CRCP: variants seen among roughly 807,000 people sequenced by gnomAD.
CRCP encodes the protein CGRP receptor component.
Under a neutral mutation model 18.5 loss-of-function variants are expected in CRCP, and 18 were observed. That is an observed-to-expected ratio of 0.97 (90% confidence interval 0.67 to 1.44). CRCP has a LOEUF of 1.44. CRCP is among the 40% of genes most tolerant of loss of function. The pLI is 0.00. For missense variants in CRCP, 130 were observed against 176.4 expected (o/e 0.74, Z 1.49); for synonymous variants, 53 against 62.9 (o/e 0.84, Z 0.75).
intron 5 of CRCP, among the ~76,000 whole-genome samples, chr7:66,146,446 T>TA (rs34812276): frequency 0.11 from 15,839 of 144,822 alleles, 976 homozygotes; most frequent in South Asian, 0.2. Flanking sequence ...ATTGCCAGTT[T>TA]AAAAAAAAAA....
intron 1 of CRCP, among the ~76,000 whole-genome samples, chr7:66,115,992 G>T (rs1317767539): frequency 6.6e-6 from 1 of 151,926 alleles, no homozygotes; most frequent in Non-Finnish European, 1.5e-5. Context: ...GTAGATGCAG[G>T]GTCTCACTAC....
chr7:66,140,029 AG>A (rs1171536032), intron 4 of CRCP, among the ~76,000 whole-genome samples: 4 of 152,238 alleles, frequency 2.6e-5, no homozygotes, highest in African/African-American at 9.6e-5. Flanking sequence ...AAAAGGGAAA[AG>A]GGAAAAATGA....
At chr7:66,138,178 A>G (rs1018865495) in intron 4 of CRCP, among the ~76,000 whole-genome samples, 1 of 152,118 alleles carries the variant, frequency 6.6e-6, no homozygotes, top group Non-Finnish European at 1.5e-5. Flanking sequence ...GGGTTGATTG[A>G]TCTTTTCCTT....
Position 66,138,968 on chromosome 7 carries a change from A to G in CRCP, c.239+4594A>G, listed in dbSNP as rs1263936339. ...TGTGAAGTTCTCAGCTATTTTTGAA[A>G]TATTTTTTCTATCCCAATCTCTTTC... On this transcript the variant is annotated intron_variant, in intron 4 of 5. Coordinates refer to ENST00000395326, the MANE Select transcript of CRCP (RefSeq NM_014478.5). 2.6e-5 allele frequency among the ~76,000 whole-genome samples: 4 copies of G among 151,976 alleles called. No individual in the cohort carries two copies. The East Asian group carries it at 7.7e-4, about 29-fold the overall frequency.
intron 5 of CRCP, among the ~76,000 whole-genome samples, chr7:66,147,638 C>G (rs1410384744): frequency 6.6e-6 from 1 of 152,198 alleles, no homozygotes; most frequent in Non-Finnish European, 1.5e-5. Flanking sequence ...TTGGTAGAAA[C>G]TGCTGTTTCT....
intron 5 of CRCP, among the ~76,000 whole-genome samples, chr7:66,146,468 A>G (rs1280418499): frequency 1.3e-5 from 2 of 152,100 alleles, no homozygotes; most frequent in African/African-American, 2.4e-5. Context: ...AGAAGAAGAA[A>G]CTTTAGAGAA....
At chr7:66,123,055 C>T (rs1024536512) in intron 1 of CRCP, among the ~76,000 whole-genome samples, 3 of 151,252 alleles carry the variant, frequency 2.0e-5, no homozygotes, top group African/African-American at 4.9e-5. Context: ...CCCGGGTTCA[C>T]GCCATTCTCC....
At chr7:66,132,307 T>C (rs1787831490) in intron 3 of CRCP, among the ~76,000 whole-genome samples, 1 of 152,254 alleles carries the variant, frequency 6.6e-6, no homozygotes, top group South Asian at 2.1e-4. Context: ...CATGTCCCCA[T>C]AATGTCATTC....
intron 1 of CRCP, among the ~76,000 whole-genome samples, chr7:66,117,451 A>T (rs187337725): frequency 6.6e-6 from 1 of 152,172 alleles, no homozygotes; most frequent in East Asian, 1.9e-4. Flanking sequence ...TCTTCTCATC[A>T]TCTATCCAAT....
Position 66,134,309 on chromosome 7 carries a change from C to CAG in CRCP, c.175_176dup (p.His60GlyfsTer15). The CAG allele has an allele frequency of 6.2e-7, 1 of 1,606,416 alleles. No homozygotes were observed. The highest frequency in any genetic ancestry group is 8.5e-7 in the Non-Finnish European group (1 of 1,177,848). On this transcript the variant is annotated frameshift_variant, in exon 4 of 6. Transcript: ENST00000395326. LOFTEE classifies it high-confidence loss of function. ...TAAAATACATATCAAAAACACCATGCAGGCACCAGAGTCCTGAAATTGTCA... is the reference window on the plus strand; with the variant it reads ...TAAAATACATATCAAAAACACCATGCAGAGGCACCAGAGTCCTGAAATTGTCA...
chr7:66,149,105 T>G (rs1788381891), intron 5 of CRCP, among the ~76,000 whole-genome samples: 1 of 152,228 alleles, frequency 6.6e-6, no homozygotes. Flanking sequence ...CTGTTGATAC[T>G]TTGGATTTTT....
Position 66,134,325 on chromosome 7 carries a change from G to C in CRCP, c.190G>C (p.Glu64Gln). 1 of 1,607,318 alleles carries C rather than the reference G, an allele frequency of 6.2e-7. No individual in the cohort carries two copies. The highest frequency in any genetic ancestry group is 8.5e-7 in the Non-Finnish European group (1 of 1,177,710). ...SKTPCRHQSP[E>Q]IVREFLTALK... is the part of the protein sequence containing the mutation. Reference sequence around the variant, plus strand: ...AACACCATGCAGGCACCAGAGTCCTGAAATTGTCAGAGAATTTCTCACAGC... The same window carrying C: ...AACACCATGCAGGCACCAGAGTCCTCAAATTGTCAGAGAATTTCTCACAGC... The change falls in exon 4 of 6, where the codon GAA (glutamate) becomes CAA (glutamine). Residue 64 changes from glutamate (E) to glutamine (Q), a missense_variant. Coordinates refer to ENST00000395326, the MANE Select transcript of CRCP (RefSeq NM_014478.5).
chr7:66,142,618 G>A lies in CRCP; in HGVS notation c.240-2825G>A, dbSNP rs546822956. On this transcript the variant is annotated intron_variant, in intron 4 of 5. Coordinates refer to ENST00000395326, the MANE Select transcript of CRCP (RefSeq NM_014478.5). The stretch of plus-strand genomic sequence containing the variant: ...AAGCAATCCTGCCTCAGCCTCCTGA[G>A]TGGCTAGGACTACAGGTGTATGCCA... 2.0e-5 allele frequency among the ~76,000 whole-genome samples: 3 copies of A among 152,332 alleles called. No individual in the cohort carries two copies. The East Asian group carries it at 5.8e-4, about 29-fold the overall frequency.
chr7:66,128,008 A>C (rs1189911188), intron 2 of CRCP, among the ~76,000 whole-genome samples: 1 of 151,690 alleles, frequency 6.6e-6, no homozygotes, highest in Non-Finnish European at 1.5e-5. Context: ...GCTACTTCGG[A>C]TCCCAGCTGA....
intron 1 of CRCP, among the ~76,000 whole-genome samples, chr7:66,117,312 G>A (rs566565645): frequency 8.6e-4 from 131 of 152,090 alleles, no homozygotes; most frequent in African/African-American, 3.0e-3. Context: ...CCTGGGTCCC[G>A]TTCCTCTCTT....
In CRCP at chr7:66,145,431, T is replaced by G; in HGVS notation, c.240-12T>G. 2.5e-6 allele frequency: 4 copies of G among 1,613,540 alleles called. No individual in the cohort carries two copies. The highest frequency in any genetic ancestry group is 3.4e-6 in the Non-Finnish European group (4 of 1,179,672). ...CTATGCGAGTTGTCAACGCTGTACT[T>G]TCCCTCCACAGAGCTGAGAAGCTCC... On this transcript the variant is annotated splice_polypyrimidine_tract_variant and intron_variant, in intron 4 of 5. Coordinates refer to ENST00000395326, the MANE Select transcript of CRCP (RefSeq NM_014478.5).
rs934866255 is a variant in CRCP, at chr7:66,151,437, C to T, written c.298-771C>T. Among the ~76,000 whole-genome samples the T allele has an allele frequency of 4.6e-5, 7 of 152,166 alleles. No individual in the cohort carries two copies. The South Asian group carries it at 1.5e-3, about 32-fold the overall frequency. On this transcript the variant is annotated intron_variant, in intron 5 of 5. Coordinates refer to ENST00000395326, the MANE Select transcript of CRCP (RefSeq NM_014478.5). Reference sequence around the variant, plus strand: ...ACGAACAGTTAACTGTCTGTGGTGGCTCGTGCCTGTAGTCCCAGCTATTCG... The same window carrying T: ...ACGAACAGTTAACTGTCTGTGGTGGTTCGTGCCTGTAGTCCCAGCTATTCG...
intron 1 of CRCP, among the ~76,000 whole-genome samples, chr7:66,120,207 G>GA (rs912605060): frequency 4.0e-5 from 6 of 151,098 alleles, no homozygotes; most frequent in Admixed American, 2.6e-4. Flanking sequence ...AAAAGAAAAA[G>GA]AAAAAAAAAT....
At chr7:66,119,346 G>A (rs1787364559) in intron 1 of CRCP, among the ~76,000 whole-genome samples, 2 of 152,184 alleles carry the variant, frequency 1.3e-5, no homozygotes, top group Non-Finnish European at 2.9e-5. Context: ...TCATCTGTAT[G>A]CTTGGTAATA....
Sources: allele counts gnomAD v4.1 joint callset (sites outside exome capture counted in the v4.1 genomes callset), GRCh38; gene constraint gnomAD v4.1.1; transcripts MANE v1.5; gene names NCBI Gene and HGNC (gene_info 2026-07-23, HGNC 2026-07-21).